Variants in EFCAB6 observed in about 807,000 individuals in gnomAD.
EFCAB6 encodes EF-hand calcium-binding domain-containing protein 6.
A neutral mutation model predicts 169.8 loss-of-function variants in EFCAB6; 156 were observed. The ratio of observed to expected loss-of-function variants is 0.92; its 90% CI spans 0.81 to 1.05. The LOEUF is 1.05. Among genes scored for constraint, EFCAB6 ranks in the 50% least tolerant of loss-of-function variants. The pLI, the probability that EFCAB6 is intolerant of heterozygous loss-of-function variation, is 0.00. For missense variants in EFCAB6, 1,800 were observed against 1,829.1 expected (o/e 0.98, Z 0.29); for synonymous variants, 698 against 676.4 (o/e 1.03, Z -0.50).
At chr22:43,741,955 G>T (rs2147750295) in intron 6 of EFCAB6, among the ~76,000 whole-genome samples, 1 of 152,154 alleles carries the variant, frequency 6.6e-6, no homozygotes, top group African/African-American at 2.4e-5. Context: ...GGCGGGAGGA[G>T]TACTCAGAGA....
chr22:43,803,239 C>G (rs1035867919), intron 2 of EFCAB6, among the ~76,000 whole-genome samples: 1 of 152,184 alleles, frequency 6.6e-6, no homozygotes, highest in African/African-American at 2.4e-5. Context: ...CTCAAAAGAG[C>G]AGCGGTTCTC....
intron 24 of EFCAB6, among the ~76,000 whole-genome samples, chr22:43,584,229 T>C (rs1242442783): frequency 6.6e-6 from 1 of 151,998 alleles, no homozygotes; most frequent in African/African-American, 2.4e-5. Context: ...GGAGAAGAAG[T>C]GAGGTCACAG....
chr22:43,576,757 TCCTGGC>T (rs2050282316), intron 25 of EFCAB6, among the ~76,000 whole-genome samples: 1 of 152,180 alleles, frequency 6.6e-6, no homozygotes, highest in Non-Finnish European at 1.5e-5. Context: ...TAAAGAGGAA[TCCTGGC>T]CCCAAGCACC....
At chr22:43,564,881 G>T (rs554699455) in intron 26 of EFCAB6, among the ~76,000 whole-genome samples, 3 of 152,196 alleles carry the variant, frequency 2.0e-5, no homozygotes, top group Non-Finnish European at 2.9e-5. Context: ...TTCATAGAAG[G>T]GGGTGGTAGA....
chr22:43,591,196 G>T (rs376584978), intron 23 of EFCAB6, among the ~76,000 whole-genome samples: 8 of 149,044 alleles, frequency 5.4e-5, no homozygotes, highest in Admixed American at 6.7e-5. Context: ...GGTGGCTCAC[G>T]CCCACAATCC....
intron 17 of EFCAB6, among the ~76,000 whole-genome samples, chr22:43,642,138 T>C (rs1372418482): frequency 6.6e-6 from 1 of 151,998 alleles, no homozygotes; most frequent in Non-Finnish European, 1.5e-5. Flanking sequence ...ATGGAGTTTC[T>C]CCATGTTGGT....
intron 2 of EFCAB6, among the ~76,000 whole-genome samples, chr22:43,808,376 A>C (rs111532019): frequency 1.3e-5 from 2 of 152,206 alleles, no homozygotes; most frequent in South Asian, 4.1e-4. Context: ...TCCTTTAAGC[A>C]AGTATTCTTA....
intron 10 of EFCAB6, among the ~76,000 whole-genome samples, chr22:43,704,926 G>T (rs1011207788): frequency 6.6e-6 from 1 of 151,972 alleles, no homozygotes; most frequent in Non-Finnish European, 1.5e-5. Context: ...GGATGTAAAT[G>T]GATTAAATTC....
rs868693743 is a variant in EFCAB6 at position 43,784,504 on chromosome 22, T to A, written c.-7-2179A>T. On this transcript the variant is annotated intron_variant, in intron 2 of 31. Coordinates refer to ENST00000262726, the MANE Select transcript of EFCAB6 (RefSeq NM_022785.4). Reference sequence around the variant, plus strand: ...TGTCTCTACCAAAAAAAAAAAAAAATATATATATGTGTGTGTGTGTGTGTG... The same window carrying A: ...TGTCTCTACCAAAAAAAAAAAAAAAAATATATATGTGTGTGTGTGTGTGTG... Among the ~76,000 whole-genome samples the A allele has an allele frequency of 3.6e-4, 35 of 97,830 alleles. 1 individual carries two copies. Among genetic ancestry groups the A allele is most frequent in the African/African-American group, 9.8e-4 (23 of 23,432 alleles). 64.2% of individuals were successfully genotyped at this position (97,830 alleles called of 152,430 possible). A position where few individuals can be genotyped will look rare whatever the true frequency, so the allele number is the denominator to read the frequency against.
At chr22:43,646,547 T>C (rs2056168297) in intron 17 of EFCAB6, among the ~76,000 whole-genome samples, 2 of 152,194 alleles carry the variant, frequency 1.3e-5, no homozygotes, top group South Asian at 4.1e-4. Context: ...AGTTTTCGGA[T>C]GTAGACCCTA....
chr22:43,808,799 T>G (rs1421604706), intron 2 of EFCAB6, among the ~76,000 whole-genome samples, 196 bp downstream of exon 2: 3 of 151,160 alleles, frequency 2.0e-5, no homozygotes, highest in Admixed American at 1.3e-4. Context: ...ACACCAGGAG[T>G]GCCAAGGCAG....
intron 18 of EFCAB6, among the ~76,000 whole-genome samples, chr22:43,633,999 G>A (rs192582189): frequency 8.4e-4 from 128 of 152,208 alleles, no homozygotes; most frequent in African/African-American, 2.9e-3. Flanking sequence ...AGGAGGAGAC[G>A]GGCAGGGAGA....
At chr22:43,794,445 C>G (rs1461494611) in intron 2 of EFCAB6, among the ~76,000 whole-genome samples, 1 of 152,172 alleles carries the variant, frequency 6.6e-6, no homozygotes, top group Admixed American at 6.5e-5. Flanking sequence ...TGAATTTAAT[C>G]CTTGGCTTTT....
chr22:43,535,951 C>G (rs1258230908), intron 29 of EFCAB6: 1 of 152,218 alleles, frequency 6.6e-6, no homozygotes, highest in Non-Finnish European at 1.5e-5. Flanking sequence ...ATACATGCCT[C>G]TGATGCTCTG....
intron 2 of EFCAB6, among the ~76,000 whole-genome samples, chr22:43,789,847 T>TCACAAACA (rs2062214183): frequency 7.0e-6 from 1 of 143,302 alleles, no homozygotes; most frequent in African/African-American, 2.6e-5. Flanking sequence ...TGGCTAACCT[T>TCACAAACA]CACACACACA....
intron 10 of EFCAB6, among the ~76,000 whole-genome samples, chr22:43,701,307 TCAG>T (rs918294156): frequency 6.6e-5 from 10 of 152,226 alleles, no homozygotes; most frequent in Non-Finnish European, 1.2e-4. Context: ...ATGGTAGAAT[TCAG>T]CAGATTCTTC....
chr22:43,644,744 T>C (rs1285897546), intron 17 of EFCAB6, among the ~76,000 whole-genome samples: 1 of 152,214 alleles, frequency 6.6e-6, no homozygotes, highest in Non-Finnish European at 1.5e-5. Flanking sequence ...TTCTTAAATA[T>C]ATTATTCCCA....
At chr22:43,809,522 C>A (rs2063032638) in intron 1 of EFCAB6, among the ~76,000 whole-genome samples, 1 of 152,208 alleles carries the variant, frequency 6.6e-6, no homozygotes, top group South Asian at 2.1e-4. Context: ...GAGTTGGAGC[C>A]ATACTCACTA....
At chr22:43,655,274 T>A (rs1000125807) in intron 17 of EFCAB6, among the ~76,000 whole-genome samples, 2 of 151,946 alleles carry the variant, frequency 1.3e-5, no homozygotes, top group Non-Finnish European at 2.9e-5. Context: ...AATAAATAAA[T>A]AAAATACATG....
Sources: allele counts gnomAD v4.1 joint callset (sites outside exome capture counted in the v4.1 genomes callset), GRCh38; gene constraint gnomAD v4.1.1; transcripts MANE v1.5; gene names NCBI Gene and HGNC (gene_info 2026-07-23, HGNC 2026-07-21).